JAM3: variants seen among roughly 807,000 people sequenced by gnomAD.
JAM3 encodes junctional adhesion molecule 3, also known as junctional adhesion molecule C.
In JAM3, 31 loss-of-function variants were observed where a neutral mutation model predicts 39.4. That is an observed-to-expected ratio of 0.79 (90% CI 0.59 to 1.06). JAM3 has a LOEUF of 1.06. Ranked by LOEUF, JAM3 falls within the 50% of genes least tolerant of loss-of-function variation. The pLI is 0.00. For missense variants in JAM3, 455 were observed against 391.4 expected (o/e 1.16, Z -1.37); for synonymous variants, 182 against 148.7 (o/e 1.22, Z -1.63).
At position 134,100,016 on chromosome 11, in the gene JAM3, C is replaced by T. The variant is rs150523725; in HGVS notation, c.76+30857C>T. On this transcript the variant is annotated intron_variant, in intron 1 of 8. Coordinates refer to ENST00000299106, the MANE Select transcript of JAM3 (RefSeq NM_032801.5). ...TCAATGTGTGCTATTTTTTAAGTCA[C>T]TTCTGACTTTAATGTTAGACCTCTC... Among the ~76,000 whole-genome samples, 21 of 152,304 alleles carry T rather than the reference C, an allele frequency of 1.4e-4. No homozygotes were observed. The East Asian group carries it at 3.9e-3, about 28-fold the overall frequency.
chr11:134,121,674 A>G (rs1942534759), intron 1 of JAM3, among the ~76,000 whole-genome samples: 1 of 152,222 alleles, frequency 6.6e-6, no homozygotes, highest in Non-Finnish European at 1.5e-5. Context: ...TTTTGAGAAC[A>G]ATTAACATTA....
At chr11:134,115,356 G>A (rs1942407191) in intron 1 of JAM3, among the ~76,000 whole-genome samples, 1 of 151,942 alleles carries the variant, frequency 6.6e-6, no homozygotes, top group Non-Finnish European at 1.5e-5. Context: ...TATTTACATT[G>A]CGTTTACTGA....
intron 3 of JAM3, among the ~76,000 whole-genome samples, chr11:134,141,714 GGA>G: frequency 6.6e-6 from 1 of 152,132 alleles, no homozygotes; most frequent in Non-Finnish European, 1.5e-5. Context: ...GTGCAGGCAG[GGA>G]GAGAGACTCG....
At chr11:134,137,689 TGAGA>T (rs1942893772) in intron 1 of JAM3, among the ~76,000 whole-genome samples, 2 of 150,680 alleles carry the variant, frequency 1.3e-5, no homozygotes, top group Admixed American at 6.6e-5. Flanking sequence ...GTGCTCATAC[TGAGA>T]GAAATGTTTA....
chr11:134,102,221 G>A (rs1021694126), intron 1 of JAM3, among the ~76,000 whole-genome samples: 1 of 152,154 alleles, frequency 6.6e-6, no homozygotes, highest in Non-Finnish European at 1.5e-5. Flanking sequence ...TCGCTGTCCT[G>A]CAGCCTCCGC....
chr11:134,130,240 G>A (rs1005280105), intron 1 of JAM3, among the ~76,000 whole-genome samples: 1 of 152,110 alleles, frequency 6.6e-6, no homozygotes, highest in African/African-American at 2.4e-5. Flanking sequence ...TGAGAGCTCC[G>A]TTATCAAAGA....
At chr11:134,138,415 A>C (rs1345417562) in intron 1 of JAM3, among the ~76,000 whole-genome samples, 1 of 113,456 alleles carries the variant, frequency 8.8e-6, no homozygotes, top group African/African-American at 3.9e-5. Context: ...CGTGGTGCTC[A>C]TACTGGAAGA....
intron 1 of JAM3, among the ~76,000 whole-genome samples, chr11:134,099,316 G>C (rs1942034718): frequency 6.6e-6 from 1 of 152,186 alleles, no homozygotes; most frequent in African/African-American, 2.4e-5. Context: ...GGGAAAGGCA[G>C]GCCCAGGAAC....
At chr11:134,123,966 A>T in intron 1 of JAM3, 1 of 1,509,268 alleles carries the variant, frequency 6.6e-7, no homozygotes, top group Non-Finnish European at 9.2e-7. Flanking sequence ...TTCGTACTTC[A>T]TTCCATATTC....
intron 3 of JAM3, among the ~76,000 whole-genome samples, chr11:134,143,304 G>A (rs1334740959): frequency 6.6e-6 from 1 of 152,152 alleles, no homozygotes; most frequent in East Asian, 1.9e-4. Flanking sequence ...GGCGTCTTGT[G>A]GATTTGATTT....
At chr11:134,078,461 TC>T (rs1941609435) in intron 1 of JAM3, among the ~76,000 whole-genome samples, 1 of 152,210 alleles carries the variant, frequency 6.6e-6, no homozygotes. Context: ...AGTTTAACAC[TC>T]CTACCCATCT....
At chr11:134,132,458 A>ATC (rs922992248) in intron 1 of JAM3, among the ~76,000 whole-genome samples, 6 of 152,246 alleles carry the variant, frequency 3.9e-5, no homozygotes, top group Non-Finnish European at 7.3e-5. Context: ...AAGAATACTT[A>ATC]GACAATAATT....
At position 134,119,874 on chromosome 11, in the gene JAM3, C is replaced by T. The variant is rs544387260; in HGVS notation, c.77-19977C>T. Among the ~76,000 whole-genome samples the T allele has an allele frequency of 1.2e-4, 19 of 152,298 alleles. No homozygotes were observed. In the South Asian group the frequency reaches 2.7e-3, roughly 22 times the overall value. On this transcript the variant is annotated intron_variant, in intron 1 of 8. Coordinates refer to ENST00000299106, the MANE Select transcript of JAM3 (RefSeq NM_032801.5). ...TTTTTGTACTTTCATTTTCAATGGT[C>T]TGTTTTGTATATAACCATTTAGTTA...
At chr11:134,127,070 C>A (rs1034633407) in intron 1 of JAM3, among the ~76,000 whole-genome samples, 2 of 152,130 alleles carry the variant, frequency 1.3e-5, no homozygotes, top group Non-Finnish European at 2.9e-5. Flanking sequence ...AAACAAAACA[C>A]CAAAGCGTGT....
chr11:134,097,949 T>C (rs1356421354), intron 1 of JAM3, among the ~76,000 whole-genome samples: 1 of 152,034 alleles, frequency 6.6e-6, no homozygotes, highest in Admixed American at 6.6e-5. Flanking sequence ...TTCTTGAAAA[T>C]TTAGTGCTTA....
At chr11:134,103,087 A>T (rs1942107827) in intron 1 of JAM3, among the ~76,000 whole-genome samples, 1 of 152,052 alleles carries the variant, frequency 6.6e-6, no homozygotes, top group Admixed American at 6.5e-5. Flanking sequence ...GAAATGAAGG[A>T]AAAAATGTTA....
At chr11:134,147,875 T>G (rs1943107729) in intron 6 of JAM3, 1 of 153,262 alleles carries the variant, frequency 6.5e-6, no homozygotes, top group Non-Finnish European at 1.5e-5. Flanking sequence ...GTTACTTGGC[T>G]CTTGTTGATA....
At chr11:134,074,834 C>T (rs1485033830) in intron 1 of JAM3, among the ~76,000 whole-genome samples, 2 of 152,128 alleles carry the variant, frequency 1.3e-5, no homozygotes, top group African/African-American at 4.8e-5. Context: ...TTTCCCGAAG[C>T]ACTCTGTCAG....
At chr11:134,072,392 C>T (rs1017908550) in intron 1 of JAM3, among the ~76,000 whole-genome samples, 14 of 148,146 alleles carry the variant, frequency 9.5e-5, no homozygotes, top group African/African-American at 3.0e-4. Context: ...TGCAAAACTC[C>T]GCCTCCCAGG....
Sources: gnomAD v4.1 joint callset for allele counts (sites outside exome capture counted in the v4.1 genomes callset) on GRCh38, gnomAD v4.1.1 for gene constraint, MANE v1.5 for transcripts, NCBI Gene and HGNC (gene_info 2026-07-23, HGNC 2026-07-21) for gene names.